The following DCP1B variants were observed in gnomAD, a reference collection of about 807,000 sequenced individuals.
DCP1B encodes decapping mRNA 1B.
DCP1B carries 47 observed loss-of-function variants against 60.5 expected under a neutral mutation model. The ratio of observed to expected loss-of-function variants is 0.78; its 90% CI spans 0.61 to 0.99. DCP1B has a LOEUF of 0.99. DCP1B is among the 50% of genes least tolerant of loss of function. The probability of loss-of-function intolerance (pLI) is 0.00; values close to 1 mark genes in which losing one functional copy is unlikely to be tolerated. For synonymous variants in DCP1B, 267 were observed against 280.3 expected (o/e 0.95, Z 0.47); for missense variants, 725 against 756.8 (o/e 0.96, Z 0.49).
At chr12:1,980,146 A>G (rs1322176977) in intron 3 of DCP1B, among the ~76,000 whole-genome samples, 1 of 152,204 alleles carries the variant, frequency 6.6e-6, no homozygotes, top group African/African-American at 2.4e-5. Flanking sequence ...ATACATATCC[A>G]CCTAAAAAAC....
At chr12:1,985,786 T>C (rs556538822) in intron 3 of DCP1B, among the ~76,000 whole-genome samples, 1 of 152,290 alleles carries the variant, frequency 6.6e-6, no homozygotes, top group African/African-American at 2.4e-5. Flanking sequence ...TGCCTGTGGA[T>C]GATGCTTCCC....
intron 1 of DCP1B, 78 bp from the exon 2 acceptor site, chr12:1,998,053 A>G: frequency 1.5e-6 from 2 of 1,309,938 alleles, no homozygotes; most frequent in South Asian, 2.7e-5. Context: ...TTCTCATAGA[A>G]TAGGAATTAT....
rs1331649281 is a variant in DCP1B at position 1,962,012 on chromosome 12, C to T, written c.522+3546G>A. On this transcript the variant is annotated intron_variant, in intron 5 of 8. Transcript: ENST00000280665. This position sits in a 1 kb window ranked among gnomAD's most constrained non-coding sequence, Gnocchi z 4.4. ...CAGGTCCTGGAGACAAGAGGCATGC[C>T]ACGCTGCACAGGGCCACGTGTGGAA... Among the ~76,000 whole-genome samples the T allele has an allele frequency of 2.0e-5, 3 of 152,104 alleles. No individual in the cohort carries two copies. Among genetic ancestry groups the T allele is most frequent in the African/African-American group, 7.2e-5 (3 of 41,416 alleles).
downstream of DCP1B, among the ~76,000 whole-genome samples, chr12:1,945,880 T>C (rs2030400275): frequency 6.6e-6 from 1 of 151,892 alleles, no homozygotes; most frequent in South Asian, 2.1e-4. Context: ...CTGGGGTCTG[T>C]CGCGGGGTGG....
At chr12:1,969,721 C>T (rs2031750804) in intron 3 of DCP1B, among the ~76,000 whole-genome samples, 1 of 152,134 alleles carries the variant, frequency 6.6e-6, no homozygotes, top group African/African-American at 2.4e-5. Context: ...ATTCCCTACA[C>T]AGATTCCTAC....
In DCP1B at chr12:1,952,738, G is replaced by T; in HGVS notation, c.1202C>A (p.Ala401Asp). ...ATTGAAATAGGCCTGTGGTGGCTGAGCCAGACCCTTTCCTGGAGCCACAGG... is the reference window on the plus strand; with the variant it reads ...ATTGAAATAGGCCTGTGGTGGCTGATCCAGACCCTTTCCTGGAGCCACAGG... ...VTPVAPGKGLAQPPQAYFNGS... is the reference protein window; with the variant it reads ...VTPVAPGKGLDQPPQAYFNGS... Residue 401 changes from alanine (A) to aspartate (D), a missense_variant, in exon 7 of 9, where the codon GCT becomes GAT. Physicochemically the swap from Ala to Asp is moderately radical, Grantham distance 126 (BLOSUM62 -2). Coordinates refer to ENST00000280665, the MANE Select transcript of DCP1B (RefSeq NM_152640.5). 1 of 1,614,174 alleles carries T rather than the reference G, an allele frequency of 6.2e-7. No homozygotes were observed. The highest frequency in any genetic ancestry group is 8.5e-7 in the Non-Finnish European group (1 of 1,180,016).
intron 5 of DCP1B, among the ~76,000 whole-genome samples, chr12:1,965,121 G>A (rs2031249585): frequency 6.6e-6 from 1 of 152,152 alleles, no homozygotes; most frequent in Admixed American, 6.6e-5. Context: ...ACAACAGGGT[G>A]TATATTTCCA....
At chr12:2,003,927 T>C (rs1444902089) in intron 1 of DCP1B, among the ~76,000 whole-genome samples, 1 of 152,174 alleles carries the variant, frequency 6.6e-6, no homozygotes, top group Non-Finnish European at 1.5e-5. Flanking sequence ...ACAGATTCAC[T>C]GTAACAGAAC....
At chr12:1,992,646 CG>C (rs1350466114) in intron 3 of DCP1B, 2 of 159,564 alleles carry the variant, frequency 1.3e-5, no homozygotes, top group African/African-American at 4.8e-5. Context: ...AGAAACGATA[CG>C]AGAGTAAAAT....
intron 1 of DCP1B, 61 bp downstream of exon 1, chr12:2,004,221 C>T: frequency 1.3e-6 from 2 of 1,596,892 alleles, no homozygotes; most frequent in South Asian, 1.1e-5. Flanking sequence ...AGTCCTGAGT[C>T]TGACGCCCCC....
chr12:1,953,306 A>C lies in DCP1B; in HGVS notation c.652-18T>G. On this transcript the variant is annotated intron_variant, in intron 6 of 8. Coordinates refer to ENST00000280665, the MANE Select transcript of DCP1B (RefSeq NM_152640.5). ...TCTAAGGTCTGGAAAAAATAAAGAT[A>C]TCTGACATGAGTCTACAAACAATTT... 3 of 1,545,908 alleles carry C rather than the reference A, an allele frequency of 1.9e-6. No individual in the cohort carries two copies. The highest frequency in any genetic ancestry group is 2.6e-6 in the Non-Finnish European group (3 of 1,154,308).
chr12:1,954,433 A>G (rs1257536878), intron 6 of DCP1B, among the ~76,000 whole-genome samples: 3 of 152,116 alleles, frequency 2.0e-5, no homozygotes, highest in Non-Finnish European at 4.4e-5. Flanking sequence ...AATCTTTTTA[A>G]TTAGTCATAG....
At chr12:1,965,819 T>A (rs570964218) in intron 4 of DCP1B, 126 bp from the exon 5 acceptor site, 4 of 1,238,884 alleles carry the variant, frequency 3.2e-6, no homozygotes, top group Middle Eastern at 5.0e-4. Flanking sequence ...TAAGCTTGCT[T>A]AGGAATTTAA....
In DCP1B at chr12:1,967,882, A is replaced by G. The variant is rs763868741; in HGVS notation, c.348T>C (p.Asp116=). Residue 116 remains aspartate, a synonymous_variant, in exon 4 of 9, where the codon GAT becomes GAC. Coordinates refer to ENST00000280665, the MANE Select transcript of DCP1B (RefSeq NM_152640.5). ...CTGCAATTCTTTGGCATTCTTCCTT[A>G]TCATAAAACCAAATTCCATAGATGG... The part of the protein sequence containing the change: ...RLSIYGIWFY[D]KEECQRIAEL... 1.2e-6 allele frequency: 2 copies of G among 1,613,110 alleles called. No homozygotes were observed. The highest frequency in any genetic ancestry group is 2.2e-5 in the South Asian group (2 of 90,972).
chr12:1,984,181 T>C (rs2036966644), intron 3 of DCP1B, among the ~76,000 whole-genome samples: 3 of 152,094 alleles, frequency 2.0e-5, no homozygotes, highest in South Asian at 4.1e-4. Context: ...TTTAATCCAA[T>C]CTGGCAATCT....
At position 1,965,625 on chromosome 12, in the gene DCP1B, T is replaced by C. The variant is rs770358025; in HGVS notation, c.455A>G (p.Asn152Ser). ...TGAGISPVIL[N>S]SGEGKEVDIL... ...GTCTACTTCTTTGCCCTCTCCTGAA[T>C]TGAGGATCACTGGGGAAATTCCTGC... The change falls in exon 5 of 9, where the codon AAT becomes AGT. Residue 152 changes from asparagine to serine, a missense_variant. Transcript: ENST00000280665. 2.5e-6 allele frequency: 4 copies of C among 1,614,080 alleles called. No individual in the cohort carries two copies. The highest frequency in any genetic ancestry group is 3.4e-6 in the Non-Finnish European group (4 of 1,179,944).
rs562451416 is a variant in DCP1B at position 1,963,746 on chromosome 12, TGGAA to T, written c.522+1808_522+1811del. Among the ~76,000 whole-genome samples, 377 of 152,336 alleles carry T rather than the reference TGGAA, an allele frequency of 2.5e-3. 2 individuals are homozygous for T. The highest frequency in any genetic ancestry group is 8.6e-3 in the African/African-American group (357 of 41,576). ...TTCTTTGAAGAGCCCTGACACCTTC[TGGAA>T]GGAAGTAATATTTCGAAACAACAAT... On this transcript the variant is annotated intron_variant, in intron 5 of 8. Coordinates refer to ENST00000280665, the MANE Select transcript of DCP1B (RefSeq NM_152640.5).
At chr12:1,982,611 T>C (rs1329541674) in intron 3 of DCP1B, among the ~76,000 whole-genome samples, 1 of 152,202 alleles carries the variant, frequency 6.6e-6, no homozygotes, top group Admixed American at 6.5e-5. Flanking sequence ...TGTTTATCCA[T>C]TCATTCACTG....
Position 1,971,210 on chromosome 12 carries a change from C to A in DCP1B, c.320-3300G>T, listed in dbSNP as rs758468170. The A allele has an allele frequency of 9.1e-5, 117 of 1,279,640 alleles. No homozygotes were observed. Among genetic ancestry groups the A allele is most frequent in the East Asian group, 8.3e-4 (15 of 17,970 alleles). 79.3% of individuals were successfully genotyped at this position (1,279,640 alleles called of 1,614,324 possible). A position where few individuals can be genotyped will look rare whatever the true frequency, so the allele number is the denominator to read the frequency against. ...CTACATCTCTCCTGGAGGTAAGAAA[C>A]CCTAAAGTGAAATAAAGAGTAGGAA... On this transcript the variant is annotated intron_variant, in intron 3 of 8. Transcript: ENST00000280665. The surrounding 1 kb of genome is among the most constrained non-coding windows in gnomAD (Gnocchi z 4.2).
Sources: gnomAD v4.1 joint callset for allele counts (sites outside exome capture counted in the v4.1 genomes callset) on GRCh38, gnomAD v4.1.1 for gene constraint, Gnocchi (gnomAD v3.1) non-coding constraint, MANE v1.5 for transcripts, NCBI Gene and HGNC (gene_info 2026-07-23, HGNC 2026-07-21) for gene names.